Variants in CKLF observed in about 807,000 individuals in gnomAD.
CKLF encodes chemokine-like factor.
Under a neutral mutation model 12.9 loss-of-function variants are expected in CKLF, and 16 were observed. The observed-to-expected ratio is 1.24, with a 90% CI of 0.84 to 1.88. The LOEUF is 1.88. Ranked by LOEUF, CKLF falls within the 40% of genes most tolerant of loss-of-function variation. CKLF has a pLI of 0.00. For missense variants in CKLF, 172 were observed against 188.5 expected, an observed-to-expected ratio of 0.91 and a Z score of 0.51; for synonymous variants, 61 against 69.0, an observed-to-expected ratio of 0.88 and a Z score of 0.57.
chr16:66,564,866 C>T (rs2012083267), intron 3 of CKLF, among the ~76,000 whole-genome samples: 1 of 152,164 alleles, frequency 6.6e-6, no homozygotes, highest in Non-Finnish European at 1.5e-5. Context: ...TTTCAGACAG[C>T]ACTGACTAGA....
chr16:66,563,278 AAAAC>A, intron 3 of CKLF, 61 bp downstream of exon 3: 1 of 1,582,198 alleles, frequency 6.3e-7, no homozygotes, highest in Non-Finnish European at 8.7e-7. Flanking sequence ...ATTTACTTGG[AAAAC>A]AGATGTAAGA....
At chr16:66,555,629 C>T (rs2011411576) in intron 1 of CKLF, among the ~76,000 whole-genome samples, 1 of 152,164 alleles carries the variant, frequency 6.6e-6, no homozygotes, top group Non-Finnish European at 1.5e-5. Context: ...CAAGTCTTTT[C>T]TCAAGAAGTA....
chr16:66,563,988 C>T (rs762388338), intron 3 of CKLF, among the ~76,000 whole-genome samples: 5 of 152,168 alleles, frequency 3.3e-5, no homozygotes, highest in Non-Finnish European at 7.3e-5. Flanking sequence ...CCATATATGT[C>T]AGAAGCCATG....
chr16:66,554,871 G>A (rs192918584), intron 1 of CKLF, among the ~76,000 whole-genome samples: 66 of 152,312 alleles, frequency 4.3e-4, no homozygotes, highest in African/African-American at 1.5e-3. Flanking sequence ...GGAAACCAGC[G>A]TAACTGGACT....
chr16:66,553,174 A>G (rs1181684233), intron 1 of CKLF, among the ~76,000 whole-genome samples: 1 of 151,820 alleles, frequency 6.6e-6, no homozygotes, highest in Admixed American at 6.5e-5. Context: ...AACAAAAACA[A>G]AAAAAAACCC....
chr16:66,565,989 A>G lies in CKLF; in HGVS notation c.437A>G (p.His146Arg), dbSNP rs1401240826. ...GGTCCTTACCAGAAAAAGCCTGTGCATGAAAAAAAAGAAGTTTTGTAATTT... is the reference window on the plus strand; with the variant it reads ...GGTCCTTACCAGAAAAAGCCTGTGCGTGAAAAAAAAGAAGTTTTGTAATTT... ...PSGPYQKKPVHEKKEVL is the reference protein window; with the variant it reads ...PSGPYQKKPVREKKEVL Residue 146 changes from histidine (H) to arginine (R), a missense_variant, in exon 4 of 4, where the codon CAT becomes CGT. Coordinates refer to ENST00000264001, the MANE Select transcript of CKLF (RefSeq NM_016951.4). 2 of 1,612,150 alleles carry G rather than the reference A, an allele frequency of 1.2e-6. No individual in the cohort carries two copies. Among genetic ancestry groups the G allele is most frequent in the Non-Finnish European group, 8.5e-7 (1 of 1,178,468 alleles).
intron 1 of CKLF, 38 bp downstream of exon 1, chr16:66,552,831 C>G (rs1278707373): frequency 6.2e-7 from 1 of 1,613,586 alleles, no homozygotes. Context: ...GCTGATGAAG[C>G]TGCTGGGGGG....
intron 1 of CKLF, among the ~76,000 whole-genome samples, chr16:66,554,219 A>G (rs1371444946): frequency 6.6e-6 from 1 of 152,182 alleles, no homozygotes; most frequent in African/African-American, 2.4e-5. Context: ...TGACTCATGG[A>G]GTTCTTCAGT....
intron 3 of CKLF, 108 bp from the exon 4 acceptor site, chr16:66,565,778 C>A (rs2012220211): frequency 4.1e-6 from 4 of 977,586 alleles, no homozygotes; most frequent in Admixed American, 3.9e-5. Context: ...GGGAGCAATC[C>A]GAGTACCCTA....
At chr16:66,553,652 G>C (rs1188047987) in intron 1 of CKLF, among the ~76,000 whole-genome samples, 1 of 152,224 alleles carries the variant, frequency 6.6e-6, no homozygotes, top group African/African-American at 2.4e-5. Context: ...TGACATGGGA[G>C]AGGCAAAATG....
At chr16:66,558,871 G>C (rs1243201742) in intron 2 of CKLF, among the ~76,000 whole-genome samples, 1 of 152,146 alleles carries the variant, frequency 6.6e-6, no homozygotes, top group African/African-American at 2.4e-5. Flanking sequence ...ATATTTCATA[G>C]TATATAGACT....
chr16:66,560,796 TATAC>T (rs1438597191), intron 2 of CKLF, among the ~76,000 whole-genome samples: 2 of 110,442 alleles, frequency 1.8e-5, no homozygotes, highest in African/African-American at 8.4e-5. Flanking sequence ...GAAAGATAAG[TATAC>T]ACACACACAC....
At chr16:66,555,799 G>A (rs1434401988) in intron 1 of CKLF, among the ~76,000 whole-genome samples, 1 of 152,192 alleles carries the variant, frequency 6.6e-6, no homozygotes, top group Non-Finnish European at 1.5e-5. Context: ...GACGATGAAA[G>A]GCAGTAGTTG....
At chr16:66,561,638 A>C (rs1309692689) in intron 2 of CKLF, among the ~76,000 whole-genome samples, 1 of 152,210 alleles carries the variant, frequency 6.6e-6, no homozygotes, top group Non-Finnish European at 1.5e-5. Flanking sequence ...TATCCAACAC[A>C]GAAGAGAGTT....
chr16:66,566,281 A>C (rs2012305319), downstream of CKLF: 2 of 1,446,230 alleles, frequency 1.4e-6, no homozygotes, highest in African/African-American at 1.4e-5. This position sits in a 1 kb window ranked among gnomAD's most constrained non-coding sequence, Gnocchi z 4.9. Flanking sequence ...GCTGGCCGGC[A>C]GCTCCGAGGT....
chr16:66,563,069 T>C, intron 2 of CKLF, 53 bp from the exon 3 acceptor site: 1 of 1,604,304 alleles, frequency 6.2e-7, no homozygotes, highest in Non-Finnish European at 8.5e-7. Flanking sequence ...TTTTCCTTTT[T>C]AGCATTGCTT....
At chr16:66,558,702 C>G (rs1198364981) in intron 2 of CKLF, among the ~76,000 whole-genome samples, 1 of 152,088 alleles carries the variant, frequency 6.6e-6, no homozygotes, top group African/African-American at 2.4e-5. Flanking sequence ...TTAATATGGC[C>G]TCAAAATTGG....
intron 3 of CKLF, among the ~76,000 whole-genome samples, chr16:66,565,269 C>T (rs2012143916): frequency 6.6e-6 from 1 of 152,210 alleles, no homozygotes; most frequent in African/African-American, 2.4e-5. Context: ...CCCCAGGCAC[C>T]AGCTCTCAGA....
chr16:66,556,602 G>A (rs1327082504), intron 1 of CKLF, among the ~76,000 whole-genome samples: 1 of 152,130 alleles, frequency 6.6e-6, no homozygotes, highest in Non-Finnish European at 1.5e-5. Flanking sequence ...TGAAAAAGTG[G>A]CCCTTCATTT....
Sources: gnomAD v4.1 joint callset for allele counts (sites outside exome capture counted in the v4.1 genomes callset) on GRCh38, gnomAD v4.1.1 for gene constraint, Gnocchi (gnomAD v3.1) non-coding constraint, MANE v1.5 for transcripts, NCBI Gene and HGNC (gene_info 2026-07-23, HGNC 2026-07-21) for gene names.